Variants in CHMP4C observed in about 807,000 individuals in gnomAD.
CHMP4C encodes the protein SNF7 homolog associated with Alix 3.
In CHMP4C, 28 loss-of-function variants were observed where a neutral mutation model predicts 29.0. The ratio of observed to expected loss-of-function variants is 0.97; its 90% CI spans 0.72 to 1.32. The LOEUF (loss-of-function observed/expected upper bound fraction) is 1.32, where lower values mean the gene tolerates loss of function less well. CHMP4C is among the 40% of genes most tolerant of loss of function. The pLI, the probability that CHMP4C is intolerant of heterozygous loss-of-function variation, is 0.00. For missense variants in CHMP4C, 291 were observed against 281.0 expected, an observed-to-expected ratio of 1.04 and a Z score of -0.25; for synonymous variants, 106 against 102.4, an observed-to-expected ratio of 1.04 and a Z score of -0.21.
intron 3 of CHMP4C, among the ~76,000 whole-genome samples, chr8:81,757,587 A>G (rs990398275): frequency 6.6e-5 from 10 of 152,234 alleles, no homozygotes; most frequent in Non-Finnish European, 1.2e-4. Flanking sequence ...GACTATTGCT[A>G]AAAGAAGGAA....
At chr8:81,746,564 A>C (rs1808825985) in intron 1 of CHMP4C, among the ~76,000 whole-genome samples, 1 of 152,210 alleles carries the variant, frequency 6.6e-6, no homozygotes, top group African/African-American at 2.4e-5. Context: ...GAGAAAAAAC[A>C]AAGAAGGACT....
At chr8:81,750,884 A>G (rs1314535274) in intron 1 of CHMP4C, among the ~76,000 whole-genome samples, 1 of 152,146 alleles carries the variant, frequency 6.6e-6, no homozygotes, top group Non-Finnish European at 1.5e-5. Flanking sequence ...GCAAAAAACA[A>G]AAGATACATA....
chr8:81,739,741 C>T (rs891511772), intron 1 of CHMP4C, among the ~76,000 whole-genome samples: 4 of 152,232 alleles, frequency 2.6e-5, no homozygotes, highest in African/African-American at 9.6e-5. Flanking sequence ...TAGACTAACA[C>T]TGCACTTGCA....
intron 1 of CHMP4C, among the ~76,000 whole-genome samples, chr8:81,743,286 G>A (rs1808786168): frequency 6.6e-6 from 1 of 150,638 alleles, no homozygotes; most frequent in Non-Finnish European, 1.5e-5. Flanking sequence ...ACATCTGTAG[G>A]TACACACATC....
chr8:81,755,642 A>T (rs1808962877), intron 3 of CHMP4C, among the ~76,000 whole-genome samples, 158 bp downstream of exon 3: 1 of 152,214 alleles, frequency 6.6e-6, no homozygotes, highest in South Asian at 2.1e-4. Context: ...AGTACCTCTG[A>T]TTTAAAGGAA....
At chr8:81,751,682 C>G (rs541136305) in intron 1 of CHMP4C, among the ~76,000 whole-genome samples, 75 of 151,852 alleles carry the variant, frequency 4.9e-4, no homozygotes, top group African/African-American at 1.7e-3. Flanking sequence ...AAACAGAAAA[C>G]ACAAAAAAGA....
In CHMP4C at chr8:81,753,143, G is replaced by A; in HGVS notation, c.270G>A (p.Glu90=). Residue 90 remains glutamate (E), a synonymous_variant, in exon 2 of 5, where the codon GAG becomes GAA. Coordinates refer to ENST00000297265, the MANE Select transcript of CHMP4C (RefSeq NM_152284.4). Reference sequence around the variant, plus strand: ...TTGATGGCACACTTTCTACCATTGAGTTCCAGAGAGAAGCCCTGGAGAACT... The same window carrying A: ...TTGATGGCACACTTTCTACCATTGAATTCCAGAGAGAAGCCCTGGAGAACT... The part of the protein sequence containing the change: ...TQIDGTLSTI[E]FQREALENSH... 4 of 1,612,700 alleles carry A rather than the reference G, an allele frequency of 2.5e-6. No individual in the cohort carries two copies. Among genetic ancestry groups the A allele is most frequent in the Non-Finnish European group, 2.5e-6 (3 of 1,179,116 alleles).
At chr8:81,739,426 G>GGGGC (rs888102825) in intron 1 of CHMP4C, among the ~76,000 whole-genome samples, 1 of 138,172 alleles carries the variant, frequency 7.2e-6, no homozygotes. Flanking sequence ...TGTGGGGGGG[G>GGGGC]GTGGAAAAAA....
intron 1 of CHMP4C, among the ~76,000 whole-genome samples, chr8:81,746,230 C>T (rs1808821095): frequency 6.6e-6 from 1 of 152,138 alleles, no homozygotes; most frequent in Admixed American, 6.5e-5. Flanking sequence ...GCAGAAGTTA[C>T]TGGTTTCATT....
intron 1 of CHMP4C, among the ~76,000 whole-genome samples, chr8:81,746,859 T>C (rs774600958): frequency 1.3e-5 from 2 of 152,234 alleles, no homozygotes; most frequent in Non-Finnish European, 2.9e-5. Flanking sequence ...ACCATGTGGT[T>C]CTGACAACCT....
intron 1 of CHMP4C, among the ~76,000 whole-genome samples, chr8:81,737,888 T>C (rs752951167): frequency 6.6e-6 from 1 of 152,250 alleles, no homozygotes; most frequent in Non-Finnish European, 1.5e-5. Flanking sequence ...TCTTCTGGAA[T>C]ACCACCAAAT....
At chr8:81,754,569 G>A (rs565767602) in intron 2 of CHMP4C, among the ~76,000 whole-genome samples, 1 of 151,962 alleles carries the variant, frequency 6.6e-6, no homozygotes, top group African/African-American at 2.4e-5. Flanking sequence ...TAATAATGAG[G>A]GACATTGTCA....
rs1417267264 is a variant in CHMP4C, at chr8:81,745,653, C to T, written c.191-7411C>T. Among the ~76,000 whole-genome samples the T allele has an allele frequency of 2.0e-4, 31 of 152,054 alleles. 1 individual carries two copies. The highest frequency in any genetic ancestry group is 1.7e-3 in the Admixed American group (26 of 15,264). ...TAATTTTTGCATTTTAGTTCCAATC[C>T]CCAATGGGCTGCAGTAAGGACTCTT... On this transcript the variant is annotated intron_variant, in intron 1 of 4. Coordinates refer to ENST00000297265, the MANE Select transcript of CHMP4C (RefSeq NM_152284.4).
intron 1 of CHMP4C, among the ~76,000 whole-genome samples, chr8:81,739,063 AC>A (rs1317507517): frequency 6.9e-6 from 1 of 145,256 alleles, no homozygotes; most frequent in Non-Finnish European, 1.5e-5. Context: ...ATATCTATCC[AC>A]CTTTCCCTCT....
chr8:81,754,174 A>G (rs372858139), intron 2 of CHMP4C, among the ~76,000 whole-genome samples: 5 of 152,238 alleles, frequency 3.3e-5, no homozygotes, highest in Non-Finnish European at 1.5e-5. Flanking sequence ...ATCAGCCTCC[A>G]TTTTGACAGC....
chr8:81,734,820 A>C (rs1338580265), intron 1 of CHMP4C, among the ~76,000 whole-genome samples: 2 of 152,222 alleles, frequency 1.3e-5, no homozygotes, highest in African/African-American at 4.8e-5. Context: ...AAAAATTTAA[A>C]GACAGTGCTA....
chr8:81,732,901 C>T, intron 1 of CHMP4C, 85 bp downstream of exon 1: 1 of 1,315,858 alleles, frequency 7.6e-7, no homozygotes, highest in Non-Finnish European at 1.0e-6. Context: ...CACTGAGGTC[C>T]CCAGGTGGCC....
At chr8:81,747,453 A>T (rs1410164037) in intron 1 of CHMP4C, among the ~76,000 whole-genome samples, 1 of 152,048 alleles carries the variant, frequency 6.6e-6, no homozygotes, top group Non-Finnish European at 1.5e-5. Flanking sequence ...CACTCTGAAG[A>T]TTCCACTTCC....
intron 1 of CHMP4C, among the ~76,000 whole-genome samples, chr8:81,733,203 TA>T (rs1425637637): frequency 6.6e-6 from 1 of 152,204 alleles, no homozygotes; most frequent in Non-Finnish European, 1.5e-5. Context: ...TATTTAAAAT[TA>T]TTTTTTATAA....
Sources: gnomAD v4.1 joint callset for allele counts (sites outside exome capture counted in the v4.1 genomes callset) on GRCh38, gnomAD v4.1.1 for gene constraint, MANE v1.5 for transcripts, NCBI Gene and HGNC (gene_info 2026-07-23, HGNC 2026-07-21) for gene names.